The following ZNF230 variants were observed in gnomAD, a reference collection of about 807,000 sequenced individuals.
The protein encoded by ZNF230 is zinc finger protein 230.
ZNF230 carries 12 observed loss-of-function variants against 10.0 expected under a neutral mutation model. The ratio of observed to expected loss-of-function variants is 1.20; its 90% CI spans 0.77 to 1.95. The LOEUF (loss-of-function observed/expected upper bound fraction) is 1.95. Ranked by LOEUF, ZNF230 falls within the 30% of genes most tolerant of loss-of-function variation. ZNF230 has a pLI of 0.00. For synonymous variants in ZNF230, 174 were observed against 193.6 expected, an observed-to-expected ratio of 0.90 and a Z score of 0.84; for missense variants, 532 against 565.8, an observed-to-expected ratio of 0.94 and a Z score of 0.61.
intron 2 of ZNF230, among the ~76,000 whole-genome samples, chr19:44,008,389 A>G (rs1236432619): frequency 2.0e-5 from 3 of 152,234 alleles, no homozygotes; most frequent in Non-Finnish European, 4.4e-5. Flanking sequence ...TTTGGCAAAT[A>G]CTAAAGAAAA....
intron 1 of ZNF230, among the ~76,000 whole-genome samples, chr19:44,005,705 A>G (rs879518844): frequency 1.3e-5 from 2 of 152,078 alleles, no homozygotes; most frequent in Non-Finnish European, 2.9e-5. Flanking sequence ...CCTGGCCAAC[A>G]TGGTGACACC....
intron 4 of ZNF230, 50 bp from the exon 5 acceptor site, chr19:44,010,213 AAAACAC>A: frequency 6.7e-7 from 1 of 1,493,020 alleles, no homozygotes; most frequent in Non-Finnish European, 9.0e-7. Context: ...TGAAATCTTA[AAAACAC>A]CAAACAAAGG....
In ZNF230 at chr19:44,010,626, C is replaced by CT. The variant is rs1306778958; in HGVS notation, c.588dup (p.Lys197Ter). On this transcript the variant is annotated frameshift_variant, in exon 5 of 5. Transcript: ENST00000429154. LOFTEE classifies it low-confidence loss of function (END_TRUNC). ...AGAGTTCACTTGAGAGAGAAACTCT[C>CT]TAAGTGTGACATGCGTGGTAAGGAA... 2 of 1,614,112 alleles carry CT rather than the reference C, an allele frequency of 1.2e-6. No individual in the cohort carries two copies. The highest frequency in any genetic ancestry group is 1.7e-6 in the Non-Finnish European group (2 of 1,180,044).
In ZNF230 at chr19:44,011,343, G is replaced by T; in HGVS notation, c.1304G>T (p.Cys435Phe). The T allele has an allele frequency of 6.2e-7, 1 of 1,614,018 alleles. No homozygotes were observed. The highest frequency in any genetic ancestry group is 8.5e-7 in the Non-Finnish European group (1 of 1,179,936). The change falls in exon 5 of 5, where the codon TGT becomes TTT. Residue 435 changes from cysteine (C) to phenylalanine (F), a missense_variant. By Grantham distance (205) the Cys-to-Phe change is radical. Coordinates refer to ENST00000429154, the MANE Select transcript of ZNF230 (RefSeq NM_006300.4). ...AAGAGGCTTGTACACCGGTCTTTCT[G>T]TAAAGACCAACAAGGAGACCACAAT... ...CGKRLVHRSF[C>F]KDQQGDHNGE...
chr19:44,012,497 G>A lies in ZNF230; in HGVS notation c.*1033G>A. The A allele has an allele frequency of 1.9e-6, 1 of 518,476 alleles. No homozygotes were observed. The highest frequency in any genetic ancestry group is 1.9e-5 in the African/African-American group (1 of 52,060). The allele number at this position is 518,476 out of a possible 1,614,324, so 32.1% of individuals were successfully genotyped here. A position where few individuals can be genotyped will look rare whatever the true frequency, so the allele number is the denominator to read the frequency against. ...ATCATCCTAGGACCATCGTAGTAGA[G>A]AACTCTTGTAAATTGTGCAGTAGGG... On this transcript the variant is annotated 3_prime_UTR_variant, in exon 5 of 5. Coordinates refer to ENST00000429154, the MANE Select transcript of ZNF230 (RefSeq NM_006300.4).
intron 4 of ZNF230, 162 bp downstream of exon 4, chr19:44,009,332 C>T: frequency 2.6e-6 from 2 of 759,948 alleles, no homozygotes; most frequent in Non-Finnish European, 4.2e-6. Flanking sequence ...TCCCTTCCAC[C>T]CTGACATCTA....
At position 44,003,688 on chromosome 19, in the gene ZNF230, G is replaced by T; in HGVS notation, c.-69+581G>T. 1.4e-5 allele frequency: 3 copies of T among 216,938 alleles called. No homozygotes were observed. The South Asian group carries it at 2.5e-4, about 18-fold the overall frequency. The allele number at this position is 216,938 out of a possible 1,614,324, so 13.4% of individuals were successfully genotyped here. On this transcript the variant is annotated intron_variant, in intron 1 of 4. Transcript: ENST00000429154. ...TCACAACTTTCGCCTTCCCCAGCCT[G>T]ACCTTTCTAAAAGAGCTGCAGGGAG...
Position 44,010,252 on chromosome 19 carries a change from A to C in ZNF230, c.230-17A>C. The stretch of plus-strand genomic sequence containing the variant: ...AGGCTTCATTTGTCCACATCTCTTC[A>C]TTCTGTGTCCTTATAGGCGGCAAGA... On this transcript the variant is annotated splice_polypyrimidine_tract_variant and intron_variant, in intron 4 of 4. Transcript: ENST00000429154. 1 of 1,578,006 alleles carries C rather than the reference A, an allele frequency of 6.3e-7. No homozygotes were observed.
At position 44,013,170 on chromosome 19, in the gene ZNF230, T is replaced by C. The variant is rs539513927; in HGVS notation, c.*1706T>C. On this transcript the variant is annotated 3_prime_UTR_variant, in exon 5 of 5. Coordinates refer to ENST00000429154, the MANE Select transcript of ZNF230 (RefSeq NM_006300.4). The stretch of plus-strand genomic sequence containing the variant: ...TTCTGTATTTCCATGCAGGCCTTGA[T>C]ATAATGGCCTTCTAATTGTGGTAGC... The C allele has an allele frequency of 6.6e-6, 1 of 152,358 alleles. No homozygotes were observed. The highest frequency in any genetic ancestry group is 1.9e-4 in the East Asian group (1 of 5,192). 9.4% of individuals were successfully genotyped at this position (152,358 alleles called of 1,614,324 possible). A position where few individuals can be genotyped will look rare whatever the true frequency, so the allele number is the denominator to read the frequency against.
At position 44,011,389 on chromosome 19, in the gene ZNF230, T is replaced by G. The variant is rs551307665; in HGVS notation, c.1350T>G (p.Cys450Trp). Residue 450 changes from cysteine to tryptophan, a missense_variant, in exon 5 of 5, where the codon TGT becomes TGG. Physicochemically the swap from Cys to Trp is radical, Grantham distance 215. Transcript: ENST00000429154. ...GDHNGENSSK[C>W]EDCGKRYKRR... is the part of the protein sequence containing the mutation. ...ACAATGGAGAAAACTCATCCAAATG[T>G]GAGGACTGTGGGAAGCGCTACAAGA... The G allele has an allele frequency of 8.7e-5, 141 of 1,613,904 alleles. 1 individual carries two copies. In the Admixed American group the frequency reaches 2.0e-3, roughly 23 times the overall value.
At position 44,008,814 on chromosome 19, in the gene ZNF230, G is replaced by A. The variant is rs1297313541; in HGVS notation, c.40G>A (p.Ala14Thr). The change falls in exon 3 of 5, where the codon GCT (alanine) becomes ACT (threonine). Residue 14 changes from alanine to threonine, a missense_variant. Ala to Thr is a moderately conservative substitution (Grantham distance 58). Coordinates refer to ENST00000429154, the MANE Select transcript of ZNF230 (RefSeq NM_006300.4). ...FKEAVTFKDV[A>T]VFFTEEELGL... is the part of the protein sequence containing the mutation. ...GGAGGCAGTGACCTTCAAGGATGTGGCTGTGTTCTTCACTGAGGAGGAACT... is the reference window on the plus strand; with the variant it reads ...GGAGGCAGTGACCTTCAAGGATGTGACTGTGTTCTTCACTGAGGAGGAACT... 6.2e-7 allele frequency: 1 copy of A among 1,613,990 alleles called. No homozygotes were observed. Among genetic ancestry groups the A allele is most frequent in the East Asian group, 2.2e-5 (1 of 44,880 alleles).
At chr19:44,008,371 C>T (rs1976141082) in intron 2 of ZNF230, among the ~76,000 whole-genome samples, 1 of 152,172 alleles carries the variant, frequency 6.6e-6, no homozygotes, top group Non-Finnish European at 1.5e-5. Context: ...TTACCTAAAA[C>T]CTGTTAGTTT....
At chr19:44,003,253 G>C (rs908045010) in intron 1 of ZNF230, 146 bp downstream of exon 1, 58 of 152,550 alleles carry the variant, frequency 3.8e-4, no homozygotes, top group African/African-American at 1.3e-3. Context: ...ACCTCGCTCA[G>C]CCTGCCTCTC....
At position 44,010,939 on chromosome 19, in the gene ZNF230, G is replaced by A. The variant is rs1040833539; in HGVS notation, c.900G>A (p.Met300Ile). The A allele has an allele frequency of 1.9e-6, 3 of 1,614,162 alleles. No homozygotes were observed. Among genetic ancestry groups the A allele is most frequent in the Non-Finnish European group, 2.5e-6 (3 of 1,180,024 alleles). Residue 300 changes from methionine to isoleucine, a missense_variant, in exon 5 of 5, where the codon ATG becomes ATA. By Grantham distance (10) the Met-to-Ile change is conservative. Transcript: ENST00000429154. ...CLRSSLNRHCMVHTAEKLYKS... is the reference protein window; with the variant it reads ...CLRSSLNRHCIVHTAEKLYKS... The stretch of plus-strand genomic sequence containing the variant: ...GGTCAAGTCTTAATAGGCATTGCAT[G>A]GTCCACACAGCAGAGAAACTGTACA...
chr19:44,012,071 T>C lies in ZNF230; in HGVS notation c.*607T>C, dbSNP rs888354360. ...TAGATATCTGATCCACATACTGATT[T>C]CCTTTGCTTTGGATATACTCAATAG... is the stretch of plus-strand genomic sequence containing the variant. On this transcript the variant is annotated 3_prime_UTR_variant, in exon 5 of 5. Coordinates refer to ENST00000429154, the MANE Select transcript of ZNF230 (RefSeq NM_006300.4). 1 of 228,550 alleles carries C rather than the reference T, an allele frequency of 4.4e-6. No individual in the cohort carries two copies. Among genetic ancestry groups the C allele is most frequent in the African/African-American group, 2.3e-5 (1 of 42,686 alleles). 14.2% of individuals were successfully genotyped at this position (228,550 alleles called of 1,614,324 possible).
At position 44,010,837 on chromosome 19, in the gene ZNF230, G is replaced by A; in HGVS notation, c.798G>A (p.Gln266=). Residue 266 remains glutamine (Q), a synonymous_variant, in exon 5 of 5, where the codon CAG becomes CAA. Coordinates refer to ENST00000429154, the MANE Select transcript of ZNF230 (RefSeq NM_006300.4). ...GGAGGGCCTTCATTCACGATTTCCA[G>A]CTTCAGAAACATCAGATAATTCATA... ...KCGRAFIHDF[Q]LQKHQIIHTG... 3 of 1,614,196 alleles carry A rather than the reference G, an allele frequency of 1.9e-6. No homozygotes were observed. The highest frequency in any genetic ancestry group is 2.5e-6 in the Non-Finnish European group (3 of 1,180,022).
chr19:44,010,902 G>A lies in ZNF230; in HGVS notation c.863G>A (p.Ser288Asn), dbSNP rs752597960. ...KPFKCEICGK[S>N]FCLRSSLNRH... ...TTCAAATGTGAAATATGTGGTAAGA[G>A]CTTCTGCCTTAGGTCAAGTCTTAAT... The change falls in exon 5 of 5, where the codon AGC becomes AAC. Residue 288 changes from serine (S) to asparagine (N), a missense_variant. Transcript: ENST00000429154. The A allele has an allele frequency of 4.3e-6, 7 of 1,614,216 alleles. No individual in the cohort carries two copies. Among genetic ancestry groups the A allele is most frequent in the Non-Finnish European group, 5.9e-6 (7 of 1,180,036 alleles).
rs1399374254 is a variant in ZNF230 at position 44,010,717 on chromosome 19, T to A, written c.678T>A (p.Cys226Ter). The A allele has an allele frequency of 5.6e-6, 9 of 1,614,068 alleles. No homozygotes were observed. The highest frequency in any genetic ancestry group is 6.8e-6 in the Non-Finnish European group (8 of 1,180,026). The change falls in exon 5 of 5, where the codon TGT (cysteine) becomes TGA (stop). Residue 226 changes from cysteine to a stop codon, truncating the protein, a stop_gained. Transcript: ENST00000429154. LOFTEE classifies it low-confidence loss of function (END_TRUNC). ...ACACTGGAGAGAAACCATTCAAATG[T>A]GAGCAATGTGGGAAAGGCTTCAGAT... The part of the protein sequence containing the change: ...RVHTGEKPFK[C>*]EQCGKGFRCR...
intron 2 of ZNF230, among the ~76,000 whole-genome samples, chr19:44,007,328 G>A (rs1976132652): frequency 6.6e-6 from 1 of 152,062 alleles, no homozygotes; most frequent in African/African-American, 2.4e-5. Context: ...AATGAACAGT[G>A]CTCCCACTTC....
Sources: gnomAD v4.1 joint callset for allele counts (sites outside exome capture counted in the v4.1 genomes callset) on GRCh38, gnomAD v4.1.1 for gene constraint, MANE v1.5 for transcripts, NCBI Gene and HGNC (gene_info 2026-07-23, HGNC 2026-07-21) for gene names.